The following FOXP4 variants were observed in gnomAD, a reference collection of about 807,000 sequenced individuals.
FOXP4 encodes forkhead box protein P4.
Under a neutral mutation model 82.6 loss-of-function variants are expected in FOXP4, and 25 were observed. That is an observed-to-expected ratio of 0.30 (90% CI 0.22 to 0.42). FOXP4 has a LOEUF of 0.42. Among genes scored for constraint, FOXP4 ranks in the 10% least tolerant of loss-of-function variants. The probability of loss-of-function intolerance (pLI) is 1.00; values close to 1 mark genes in which losing one functional copy is unlikely to be tolerated. For synonymous variants in FOXP4, 415 were observed against 388.2 expected (o/e 1.07, Z -0.81); for missense variants, 785 against 900.9 (o/e 0.87, Z 1.65).
chr6:41,567,245 A>C (rs193267807), intron 2 of FOXP4, among the ~76,000 whole-genome samples: 4 of 152,312 alleles, frequency 2.6e-5, no homozygotes, highest in Admixed American at 2.6e-4. Flanking sequence ...GATCAGGTGC[A>C]ATTTGGGTGT....
chr6:41,563,019 CG>C (rs1231385851), intron 1 of FOXP4, among the ~76,000 whole-genome samples: 1 of 152,206 alleles, frequency 6.6e-6, no homozygotes, highest in Non-Finnish European at 1.5e-5. Context: ...CAATCTCTTC[CG>C]AACCATCACT....
rs779715276 is a variant in FOXP4, at chr6:41,565,807, G to A, written c.47G>A (p.Gly16Asp). ...GAGACAATCAGGTCGGCTCCATCTG[G>A]TCAGAATGGCGTGGGCAGCCTCTCT... ...ASETIRSAPS[G>D]QNGVGSLSGQ... Residue 16 changes from glycine to aspartate, a missense_variant, in exon 2 of 17, where the codon GGT becomes GAT. Around this residue, in one of 3 missense-constraint regions of FOXP4, gnomAD observed 570 missense variants for 634.0 expected, o/e 0.90. Transcript: ENST00000307972. 2.2e-5 allele frequency: 35 copies of A among 1,613,662 alleles called. No individual in the cohort carries two copies. In the East Asian group the frequency reaches 7.8e-4, roughly 36 times the overall value.
Position 41,598,991 on chromosome 6 carries a change from G to A in FOXP4, c.*55G>A. 1.4e-6 allele frequency: 2 copies of A among 1,480,380 alleles called. No homozygotes were observed. Among genetic ancestry groups the A allele is most frequent in the East Asian group, 2.4e-5 (1 of 42,140 alleles). 91.7% of individuals were successfully genotyped at this position (1,480,380 alleles called of 1,614,324 possible). On this transcript the variant is annotated 3_prime_UTR_variant, in exon 17 of 17. Coordinates refer to ENST00000307972, the MANE Select transcript of FOXP4 (RefSeq NM_001012426.2). ...GAGACCCCTCCCTTCCAGAATCCAG[G>A]CCCCATCTCCCCCAACTCCACAGCC...
At chr6:41,560,901 C>G (rs1764538963) in intron 1 of FOXP4, among the ~76,000 whole-genome samples, 1 of 152,240 alleles carries the variant, frequency 6.6e-6, no homozygotes. Flanking sequence ...TGGGGTTCCC[C>G]TTCTCTTTTC....
chr6:41,552,897 C>T (rs1764079000), intron 1 of FOXP4, among the ~76,000 whole-genome samples: 2 of 152,296 alleles, frequency 1.3e-5, no homozygotes, highest in East Asian at 1.9e-4. Context: ...CTGCCAACTT[C>T]CTAACTCACT....
intron 3 of FOXP4, among the ~76,000 whole-genome samples, chr6:41,583,877 C>T (rs150611595): frequency 2.0e-5 from 3 of 152,300 alleles, no homozygotes; most frequent in African/African-American, 7.2e-5. Flanking sequence ...AGAGGCCTGA[C>T]CCAGGGCAGG....
intron 3 of FOXP4, among the ~76,000 whole-genome samples, chr6:41,582,338 G>C (rs55974776): frequency 2.0e-5 from 3 of 152,328 alleles, no homozygotes; most frequent in South Asian, 2.1e-4. Context: ...CGTGTAAAGG[G>C]CTTAGCCAAG....
At chr6:41,574,565 G>A (rs1465563677) in intron 2 of FOXP4, among the ~76,000 whole-genome samples, 3 of 152,228 alleles carry the variant, frequency 2.0e-5, no homozygotes, top group Non-Finnish European at 4.4e-5. Flanking sequence ...GTGTGCTGGT[G>A]GTTGGAGATG....
rs372517776 is a variant in FOXP4 at position 41,578,075 on chromosome 6, T to A, written c.294T>A (p.Ala98=). The A allele has an allele frequency of 5.6e-6, 9 of 1,613,304 alleles. No homozygotes were observed. The African/African-American group carries it at 1.2e-4, about 22-fold the overall frequency. The change falls in exon 3 of 17, where the codon GCT becomes GCA. Residue 98 remains alanine (A), a synonymous_variant. Transcript: ENST00000307972. ...ATGACAGCAAACAGTCTGCCTCTGC[T>A]GTGCAGGTGAGGAAGAGAGCACCCC... is the stretch of plus-strand genomic sequence containing the variant. ...GNNDSKQSAS[A]VQVPVSVAMM...
intron 3 of FOXP4, among the ~76,000 whole-genome samples, chr6:41,584,096 C>A (rs926352272): frequency 6.6e-6 from 1 of 152,242 alleles, no homozygotes; most frequent in Non-Finnish European, 1.5e-5. Flanking sequence ...CTTCCCACCC[C>A]ACCCTAGACA....
chr6:41,598,247 C>T (rs1174330947), intron 16 of FOXP4, among the ~76,000 whole-genome samples: 1 of 141,940 alleles, frequency 7.0e-6, no homozygotes, highest in African/African-American at 2.7e-5. Flanking sequence ...GACGGAGTCT[C>T]GCTCTGTCAC....
intron 14 of FOXP4, among the ~76,000 whole-genome samples, chr6:41,596,124 C>T (rs990550855): frequency 6.6e-6 from 1 of 152,224 alleles, no homozygotes; most frequent in African/African-American, 2.4e-5. Context: ...TCTCGAACTC[C>T]TGACCTCAGG....
Position 41,558,264 on chromosome 6 carries a change from A to T in FOXP4, c.-16-7481A>T, listed in dbSNP as rs12199996. On this transcript the variant is annotated intron_variant, in intron 1 of 16. Transcript: ENST00000307972. The surrounding 1 kb of genome is among the most constrained non-coding windows in gnomAD (Gnocchi z 4.0). ...CAGGGAGCCAAGCAGTGCGTGACTCACATCACCCACCTCTGGCTTCAGGAC... is the reference window on the plus strand; with the variant it reads ...CAGGGAGCCAAGCAGTGCGTGACTCTCATCACCCACCTCTGGCTTCAGGAC... Among the ~76,000 whole-genome samples, 13,699 of 152,254 alleles carry T rather than the reference A, an allele frequency of 0.09. 646 individuals are homozygous for T. The highest frequency in any genetic ancestry group is 0.099 in the Non-Finnish European group (6,744 of 68,020).
intron 1 of FOXP4, among the ~76,000 whole-genome samples, chr6:41,555,703 T>A (rs1293173209): frequency 2.6e-5 from 4 of 152,360 alleles, no homozygotes; most frequent in Middle Eastern, 3.4e-3. Context: ...GGCATTCGGC[T>A]CCTCTTGCCC....
rs562731702 is a variant in FOXP4 at position 41,599,249 on chromosome 6, C to G, written c.*313C>G. On this transcript the variant is annotated 3_prime_UTR_variant, in exon 17 of 17. Transcript: ENST00000307972. ...CAGCAGCAGCAGGGCCCTCCTCCCC[C>G]ACCAGCTCTCCCCACAGGGCCCCTC... The G allele has an allele frequency of 1.7e-5, 4 of 239,884 alleles. No homozygotes were observed. Among genetic ancestry groups the G allele is most frequent in the East Asian group, 1.7e-4 (2 of 11,578 alleles). 14.9% of individuals were successfully genotyped at this position (239,884 alleles called of 1,614,324 possible).
At chr6:41,556,803 A>G (rs959744069) in intron 1 of FOXP4, among the ~76,000 whole-genome samples, 3 of 152,174 alleles carry the variant, frequency 2.0e-5, no homozygotes, top group Non-Finnish European at 2.9e-5. Flanking sequence ...TGTGTTGTGT[A>G]AGACAGAAGT....
At chr6:41,583,001 T>C (rs1581760326) in intron 3 of FOXP4, among the ~76,000 whole-genome samples, 1 of 152,206 alleles carries the variant, frequency 6.6e-6, no homozygotes, top group East Asian at 1.9e-4. Flanking sequence ...GGTCTCCTCA[T>C]TGGTAAAAAT....
At chr6:41,554,321 C>A (rs985829967) in intron 1 of FOXP4, among the ~76,000 whole-genome samples, 2 of 152,226 alleles carry the variant, frequency 1.3e-5, no homozygotes, top group Non-Finnish European at 2.9e-5. Context: ...GTAAATTTCA[C>A]ATAAATATCC....
intron 1 of FOXP4, among the ~76,000 whole-genome samples, chr6:41,554,083 C>T (rs1764148075): frequency 6.6e-6 from 1 of 152,194 alleles, no homozygotes; most frequent in African/African-American, 2.4e-5. Context: ...CACATACCTC[C>T]TTGTTCTTAT....
Sources: allele counts gnomAD v4.1 joint callset (sites outside exome capture counted in the v4.1 genomes callset), GRCh38; gene constraint gnomAD v4.1.1; regional missense constraint gnomAD v4.1.1; non-coding constraint Gnocchi (gnomAD v3.1); transcripts MANE v1.5; gene names NCBI Gene and HGNC (gene_info 2026-07-23, HGNC 2026-07-21).